PCDHGA5: variants seen among roughly 807,000 people sequenced by gnomAD.
PCDHGA5 encodes protocadherin gamma-A5.
PCDHGA5 carries 36 observed loss-of-function variants against 56.7 expected under a neutral mutation model. The observed-to-expected ratio is 0.64, with a 90% CI of 0.49 to 0.84. The LOEUF (loss-of-function observed/expected upper bound fraction) is 0.84, where lower values mean the gene tolerates loss of function less well. Among genes scored for constraint, PCDHGA5 ranks in the 40% least tolerant of loss-of-function variants. The probability of loss-of-function intolerance (pLI) is 0.00; values close to 1 mark genes in which losing one functional copy is unlikely to be tolerated. For synonymous variants in PCDHGA5, 563 were observed against 520.2 expected (o/e 1.08, Z -1.12); for missense variants, 1,305 against 1,201.5 (o/e 1.09, Z -1.27).
chr5:141,392,766 C>A, intron 1 of PCDHGA5: 1 of 1,489,084 alleles, frequency 6.7e-7, no homozygotes, highest in South Asian at 1.4e-5. Flanking sequence ...AAATAAGACC[C>A]ATTTATGCAC....
Position 141,410,050 on chromosome 5 carries a change from C to T in PCDHGA5, c.2421+43299C>T, listed in dbSNP as rs762077790. ...TGCTGCAGGCCAGTGAGCCCGGACT[C>T]TTCAGCCTGGGGCTGCGCACTGGGG... On this transcript the variant is annotated intron_variant, in intron 1 of 3. Coordinates refer to ENST00000518069, the MANE Select transcript of PCDHGA5 (RefSeq NM_018918.3). The T allele has an allele frequency of 6.2e-6, 10 of 1,613,180 alleles. No homozygotes were observed. In the East Asian group the frequency reaches 1.6e-4, roughly 25 times the overall value.
At chr5:141,384,290 A>T in intron 1 of PCDHGA5, 1 of 1,613,874 alleles carries the variant, frequency 6.2e-7, no homozygotes, top group Non-Finnish European at 8.5e-7. Context: ...ATCGCTGAGA[A>T]CAACCCCAGA....
Position 141,402,817 on chromosome 5 carries a change from C to T in PCDHGA5, c.2421+36066C>T, listed in dbSNP as rs1040353038. On this transcript the variant is annotated intron_variant, in intron 1 of 3. Transcript: ENST00000518069. ...ACAAAACCCGGCAGATACCACAAACCTGCTCCCAGGCTGCAGCAAAACTCA... is the reference window on the plus strand; with the variant it reads ...ACAAAACCCGGCAGATACCACAAACTTGCTCCCAGGCTGCAGCAAAACTCA... The T allele has an allele frequency of 6.3e-6, 8 of 1,267,616 alleles. No homozygotes were observed. In the African/African-American group the frequency reaches 1.2e-4, roughly 19 times the overall value. The allele number at this position is 1,267,616 out of a possible 1,614,324, so 78.5% of individuals were successfully genotyped here.
intron 1 of PCDHGA5, among the ~76,000 whole-genome samples, chr5:141,450,008 T>A (rs78952430): frequency 4.8e-4 from 18 of 37,340 alleles, no homozygotes; most frequent in African/African-American, 6.8e-4. Context: ...CCATGTCTCT[T>A]TTTTTTTTTT....
Position 141,490,799 on chromosome 5 carries a change from G to A in PCDHGA5, c.2422-4008G>A, listed in dbSNP as rs757092044. On this transcript the variant is annotated intron_variant, in intron 1 of 3. Coordinates refer to ENST00000518069, the MANE Select transcript of PCDHGA5 (RefSeq NM_018918.3). The surrounding 1 kb of genome is among the most constrained non-coding windows in gnomAD (Gnocchi z 5.4). ...GAGGATGGACGGATCTTTGCCCAGC[G>A]TACCTTTGACTATGAATTGCTGCAG... is the stretch of plus-strand genomic sequence containing the variant. 2.7e-5 allele frequency: 43 copies of A among 1,613,888 alleles called. No individual in the cohort carries two copies. Among genetic ancestry groups the A allele is most frequent in the Middle Eastern group, 3.3e-4 (2 of 6,062 alleles).
chr5:141,404,242 G>A (rs372976589), intron 1 of PCDHGA5: 30 of 1,613,344 alleles, frequency 1.9e-5, no homozygotes, highest in Non-Finnish European at 2.4e-5. Flanking sequence ...GAGGAACTCC[G>A]CCCCTGTCCA....
rs2099613082 is a variant in PCDHGA5, at chr5:141,485,421, C to T, written c.2422-9386C>T. ...TTCCGTGTGGATTTGGACAGCGGAG[C>T]CCTGCTCATCAAGAACCCAATCGAC... On this transcript the variant is annotated intron_variant, in intron 1 of 3. Coordinates refer to ENST00000518069, the MANE Select transcript of PCDHGA5 (RefSeq NM_018918.3). The surrounding 1 kb of genome is among the most constrained non-coding windows in gnomAD (Gnocchi z 5.7). The T allele has an allele frequency of 6.2e-7, 1 of 1,614,112 alleles. No individual in the cohort carries two copies. Among genetic ancestry groups the T allele is most frequent in the Non-Finnish European group, 8.5e-7 (1 of 1,180,010 alleles).
intron 1 of PCDHGA5, chr5:141,422,579 C>T: frequency 6.2e-7 from 1 of 1,614,052 alleles, no homozygotes; most frequent in Non-Finnish European, 8.5e-7. Flanking sequence ...GATAACCCTC[C>T]CGTTTTTCCT....
intron 1 of PCDHGA5, chr5:141,376,697 T>G (rs1773235579): frequency 1.5e-6 from 1 of 652,042 alleles, no homozygotes; most frequent in Non-Finnish European, 2.4e-6. Flanking sequence ...TTTTTTTTTT[T>G]GAGACGGAGT....
chr5:141,393,019 G>A (rs1415257415), intron 1 of PCDHGA5: 1 of 1,613,746 alleles, frequency 6.2e-7, no homozygotes, highest in African/African-American at 1.3e-5. Flanking sequence ...ATCGTCTCCA[G>A]AGGTAGGACG....
chr5:141,420,050 C>A, intron 1 of PCDHGA5: 1 of 1,614,076 alleles, frequency 6.2e-7, no homozygotes. Context: ...TGAGTCAGTT[C>A]TCTGCTCCAA....
Position 141,504,710 on chromosome 5 carries a change from G to A in PCDHGA5, c.2481-683G>A, listed in dbSNP as rs528205869. The stretch of plus-strand genomic sequence containing the variant: ...AGGAGGGGCAGGTTCTTCTATGGCC[G>A]TGGATTTTACTCTGAGGGCTTAGGA... On this transcript the variant is annotated intron_variant, in intron 2 of 3. Transcript: ENST00000518069. Among the ~76,000 whole-genome samples the A allele has an allele frequency of 1.4e-4, 21 of 151,968 alleles. No homozygotes were observed. The East Asian group carries it at 3.7e-3, about 27-fold the overall frequency.
chr5:141,443,826 G>C (rs955306823), intron 1 of PCDHGA5, among the ~76,000 whole-genome samples: 1 of 151,978 alleles, frequency 6.6e-6, no homozygotes, highest in African/African-American at 2.4e-5. Flanking sequence ...AACATAATTA[G>C]GTAAAATGGG....
chr5:141,402,357 G>C (rs1486286220), intron 1 of PCDHGA5, among the ~76,000 whole-genome samples: 1 of 151,812 alleles, frequency 6.6e-6, no homozygotes, highest in Non-Finnish European at 1.5e-5. Flanking sequence ...AAAAATGAAT[G>C]TACTTCCAAA....
intron 1 of PCDHGA5, chr5:141,383,994 C>T: frequency 6.2e-7 from 1 of 1,613,758 alleles, no homozygotes. Flanking sequence ...TTGGGACAGT[C>T]ATTGCTCTTT....
At position 141,374,917 on chromosome 5, in the gene PCDHGA5, T is replaced by C. The variant is rs1385873751; in HGVS notation, c.2421+8166T>C. 7.4e-6 allele frequency: 12 copies of C among 1,613,816 alleles called. No homozygotes were observed. In the Admixed American group the frequency reaches 1.5e-4, roughly 20 times the overall value. Reference sequence around the variant, plus strand: ...ATGAAGGAGTCCACGGGGAAGTAACTTATTCCTTTGTGAAGATTACAGAAA... The same window carrying C: ...ATGAAGGAGTCCACGGGGAAGTAACCTATTCCTTTGTGAAGATTACAGAAA... On this transcript the variant is annotated intron_variant, in intron 1 of 3. Coordinates refer to ENST00000518069, the MANE Select transcript of PCDHGA5 (RefSeq NM_018918.3).
rs1246985073 is a variant in PCDHGA5 at position 141,365,815 on chromosome 5, A to G, written c.1485A>G (p.Thr495=). Residue 495 remains threonine (T), a synonymous_variant, in exon 1 of 4, where the codon ACA becomes ACG. Transcript: ENST00000518069. ...ARVTYSLAED[T]FQGAPLSSYV... ...TCACCTACTCCCTGGCTGAAGACAC[A>G]TTTCAGGGGGCGCCCTTGTCCTCCT... is the stretch of plus-strand genomic sequence containing the variant. The G allele has an allele frequency of 6.2e-7, 1 of 1,613,664 alleles. No homozygotes were observed. Among genetic ancestry groups the G allele is most frequent in the Admixed American group, 1.7e-5 (1 of 60,006 alleles).
intron 1 of PCDHGA5, chr5:141,389,865 G>A: frequency 1.2e-6 from 2 of 1,614,080 alleles, no homozygotes; most frequent in Non-Finnish European, 1.7e-6. Flanking sequence ...GTTGCACCTG[G>A]TCTTCGCCGA....
chr5:141,394,196 C>T, intron 1 of PCDHGA5: 1 of 1,613,910 alleles, frequency 6.2e-7, no homozygotes, highest in Non-Finnish European at 8.5e-7. Flanking sequence ...CAGCGTATAT[C>T]CTAGAGAACA....
Sources: gnomAD v4.1 joint callset for allele counts (sites outside exome capture counted in the v4.1 genomes callset) on GRCh38, gnomAD v4.1.1 for gene constraint, Gnocchi (gnomAD v3.1) non-coding constraint, MANE v1.5 for transcripts, NCBI Gene and HGNC (gene_info 2026-07-23, HGNC 2026-07-21) for gene names.